The following GPC3 variants were observed in gnomAD, a reference collection of about 807,000 sequenced individuals.
GPC3 encodes the protein glypican 3.
In GPC3, 3 loss-of-function variants were observed where a neutral mutation model predicts 34.4. The observed-to-expected ratio is 0.09, with a 90% CI of 0.04 to 0.23. The LOEUF is 0.23. Among genes scored for constraint, GPC3 ranks in the 10% least tolerant of loss-of-function variants. The probability of loss-of-function intolerance (pLI) is 1.00; values close to 1 mark genes in which losing one functional copy is unlikely to be tolerated. For missense variants in GPC3, 351 were observed against 445.6 expected, an observed-to-expected ratio of 0.79 and a Z score of 1.91; for synonymous variants, 177 against 174.0, an observed-to-expected ratio of 1.02 and a Z score of -0.13.
chrX:133,822,905 G>A (rs1414494471), intron 2 of GPC3, among the ~76,000 whole-genome samples: 1 of 109,139 alleles, frequency 9.2e-6, no homozygotes, highest in Non-Finnish European at 1.9e-5. Context: ...GAGGCAGGCG[G>A]ATCACCTGAG....
At chrX:133,793,840 T>C (rs773013027) in intron 2 of GPC3, among the ~76,000 whole-genome samples, 1 of 111,884 alleles carries the variant, frequency 8.9e-6, no homozygotes, top group African/African-American at 3.2e-5. Context: ...TGCAAGTTCC[T>C]GTTAATAAAA....
intron 2 of GPC3, among the ~76,000 whole-genome samples, chrX:133,938,808 G>A (rs1029893421): frequency 7.2e-5 from 8 of 111,677 alleles, no homozygotes; most frequent in South Asian, 7.4e-4. Context: ...ACTTCTGACC[G>A]CCTTCAAAAT....
intron 2 of GPC3, among the ~76,000 whole-genome samples, chrX:133,850,547 C>T (rs1325644978): frequency 1.8e-5 from 2 of 110,948 alleles, no homozygotes; most frequent in African/African-American, 6.6e-5. Flanking sequence ...CTTCCAACAC[C>T]AGTACAAAGG....
At chrX:133,548,027 CT>C (rs1423757755) in intron 7 of GPC3, among the ~76,000 whole-genome samples, 3 of 111,229 alleles carry the variant, frequency 2.7e-5, no homozygotes, top group Non-Finnish European at 1.9e-5. Flanking sequence ...GCTTTTGTAA[CT>C]CATACAAAGG....
At chrX:133,894,967 T>C (rs2076105315) in intron 2 of GPC3, among the ~76,000 whole-genome samples, 1 of 112,673 alleles carries the variant, frequency 8.9e-6, no homozygotes, top group Admixed American at 9.4e-5. Context: ...TTTTAGCTAA[T>C]TGGTCCATCA....
chrX:133,958,729 A>C (rs1275498660), intron 1 of GPC3, among the ~76,000 whole-genome samples: 1 of 106,011 alleles, frequency 9.4e-6, no homozygotes, highest in Non-Finnish European at 1.9e-5. Flanking sequence ...AAAAACAAAA[A>C]AAAAAAACAG....
chrX:133,930,179 T>C (rs1199898151), intron 2 of GPC3, among the ~76,000 whole-genome samples: 2 of 112,004 alleles, frequency 1.8e-5, no homozygotes, highest in Non-Finnish European at 3.8e-5. Context: ...CAAGACTTCA[T>C]GCCAGTGGTT....
At chrX:133,582,118 A>G (rs1276277542) in intron 7 of GPC3, among the ~76,000 whole-genome samples, 1 of 111,823 alleles carries the variant, frequency 8.9e-6, no homozygotes, top group African/African-American at 3.3e-5. Context: ...AAGAGTATAT[A>G]TTATTTCCAC....
intron 2 of GPC3, among the ~76,000 whole-genome samples, chrX:133,827,570 G>A (rs1269545272): frequency 2.7e-5 from 3 of 111,138 alleles, no homozygotes. Context: ...ATTACTTGAG[G>A]TCAGGAGCTC....
intron 6 of GPC3, among the ~76,000 whole-genome samples, chrX:133,623,838 T>G (rs1569399065): frequency 1.8e-5 from 2 of 111,737 alleles, no homozygotes; most frequent in East Asian, 2.8e-4. Context: ...CTCTCCACCC[T>G]AAATCAACAG....
intron 2 of GPC3, among the ~76,000 whole-genome samples, chrX:133,834,204 T>C (rs752406765): frequency 8.9e-6 from 1 of 112,090 alleles, no homozygotes; most frequent in South Asian, 3.7e-4. Flanking sequence ...ATTCAAATTG[T>C]ATTTGTGGCA....
At chrX:133,662,768 G>T (rs1386033391) in intron 5 of GPC3, among the ~76,000 whole-genome samples, 1 of 111,776 alleles carries the variant, frequency 8.9e-6, no homozygotes, top group East Asian at 2.8e-4. Flanking sequence ...AGAGAAAAAG[G>T]TTTTGAGCTC....
chrX:133,665,117 T>G (rs779073563), intron 5 of GPC3, among the ~76,000 whole-genome samples: 3 of 112,203 alleles, frequency 2.7e-5, no homozygotes, highest in African/African-American at 9.7e-5. Flanking sequence ...AACATCCTTG[T>G]ATACTGATTT....
At chrX:133,829,352 C>A (rs1441408133) in intron 2 of GPC3, among the ~76,000 whole-genome samples, 1 of 112,173 alleles carries the variant, frequency 8.9e-6, no homozygotes, top group African/African-American at 3.2e-5. Context: ...AAGAAATAGA[C>A]AATTCAACAG....
At chrX:133,879,135 T>G (rs1460820231) in intron 2 of GPC3, among the ~76,000 whole-genome samples, 1 of 110,917 alleles carries the variant, frequency 9.0e-6, no homozygotes, top group Non-Finnish European at 1.9e-5. Context: ...TCATAGTACA[T>G]CCAGGGAGAG....
intron 6 of GPC3, among the ~76,000 whole-genome samples, chrX:133,660,716 A>T (rs2070708201): frequency 8.9e-6 from 1 of 112,236 alleles, no homozygotes; most frequent in Non-Finnish European, 1.9e-5. Flanking sequence ...ATGTTAAGAA[A>T]ATAAGCTAAG....
intron 7 of GPC3, 129 bp from the exon 8 acceptor site, chrX:133,536,422 G>A: frequency 4.3e-6 from 1 of 230,894 alleles, no homozygotes; most frequent in Admixed American, 4.0e-5. Context: ...TTATGGGGGA[G>A]AAAAAGGCCA....
intron 2 of GPC3, among the ~76,000 whole-genome samples, chrX:133,886,471 A>G (rs138055344): frequency 1.1e-3 from 124 of 112,243 alleles, no homozygotes; most frequent in Middle Eastern, 4.6e-3. Flanking sequence ...TTTATGGGGT[A>G]CAAAGTGATG....
chrX:133,596,154 A>G (rs1201049227), intron 7 of GPC3, among the ~76,000 whole-genome samples: 1 of 111,805 alleles, frequency 8.9e-6, no homozygotes, highest in Non-Finnish European at 1.9e-5. Flanking sequence ...AACCAAGGAA[A>G]ACTCCAATGA....
Sources: allele counts gnomAD v4.1 joint callset (sites outside exome capture counted in the v4.1 genomes callset), GRCh38; gene constraint gnomAD v4.1.1; transcripts MANE v1.5; gene names NCBI Gene and HGNC (gene_info 2026-07-23, HGNC 2026-07-21).